Variants in PITPNM3 observed in about 807,000 individuals in gnomAD.
PITPNM3 encodes the protein membrane-associated phosphatidylinositol transfer protein 3.
PITPNM3 carries 26 observed loss-of-function variants against 102.0 expected under a neutral mutation model. The observed-to-expected ratio is 0.25, with a 90% CI of 0.19 to 0.35. The LOEUF (loss-of-function observed/expected upper bound fraction) is 0.35, where lower values mean the gene tolerates loss of function less well. PITPNM3 is among the 10% of genes least tolerant of loss of function. The pLI, the probability that PITPNM3 is intolerant of heterozygous loss-of-function variation, is 1.00. For synonymous variants in PITPNM3, 578 were observed against 558.6 expected, an observed-to-expected ratio of 1.03 and a Z score of -0.49; for missense variants, 1,083 against 1,346.1, an observed-to-expected ratio of 0.80 and a Z score of 3.06.
At chr17:6,553,389 C>T (rs1047933780) in intron 1 of PITPNM3, among the ~76,000 whole-genome samples, 2 of 152,190 alleles carry the variant, frequency 1.3e-5, no homozygotes, top group Non-Finnish European at 2.9e-5. Context: ...GCCCCGATAA[C>T]AATTTCTCTT....
chr17:6,498,716 G>C (rs924934404), intron 4 of PITPNM3, among the ~76,000 whole-genome samples: 1 of 152,168 alleles, frequency 6.6e-6, no homozygotes, highest in Non-Finnish European at 1.5e-5. Flanking sequence ...TTTGATAGTG[G>C]ATGGTGACAG....
Position 6,452,955 on chromosome 17 carries a change from TCTTC to T in PITPNM3, c.*2379_*2382del, listed in dbSNP as rs1913909377. 6.7e-6 allele frequency: 1 copy of T among 150,106 alleles called. No homozygotes were observed. The highest frequency in any genetic ancestry group is 1.5e-5 in the Non-Finnish European group (1 of 67,932). 9.3% of individuals were successfully genotyped at this position (150,106 alleles called of 1,614,324 possible). A position where few individuals can be genotyped will look rare whatever the true frequency, so the allele number is the denominator to read the frequency against. On this transcript the variant is annotated 3_prime_UTR_variant, in exon 20 of 20. Coordinates refer to ENST00000262483, the MANE Select transcript of PITPNM3 (RefSeq NM_031220.4). ...TCCTGGCTCATGAGCTCTCTCTCTC[TCTTC>T]CTCTCTCTCTCTCTCTTCCTCTCTC...
rs1164271141 is a variant in PITPNM3, at chr17:6,469,414, A to C, written c.1773+846T>G. Reference sequence around the variant, plus strand: ...CCCCCAGCCCAGCACACTCTCTCCCACCCCCAAGAACCTACAAACAAAACT... The same window carrying C: ...CCCCCAGCCCAGCACACTCTCTCCCCCCCCCAAGAACCTACAAACAAAACT... On this transcript the variant is annotated intron_variant, in intron 13 of 19. Coordinates refer to ENST00000262483, the MANE Select transcript of PITPNM3 (RefSeq NM_031220.4). The surrounding 1 kb of genome is among the most constrained non-coding windows in gnomAD (Gnocchi z 4.0). 1.7e-4 allele frequency among the ~76,000 whole-genome samples: 20 copies of C among 120,424 alleles called. No individual in the cohort carries two copies. Among genetic ancestry groups the C allele is most frequent in the Admixed American group, 2.6e-4 (3 of 11,654 alleles). 79.0% of individuals were successfully genotyped at this position (120,424 alleles called of 152,430 possible). A position where few individuals can be genotyped will look rare whatever the true frequency, so the allele number is the denominator to read the frequency against.
At position 6,464,701 on chromosome 17, in the gene PITPNM3, C is replaced by T. The variant is rs916678887; in HGVS notation, c.1961G>A (p.Arg654Gln). ...CATGTCGAGGGGCCCGTACATGAAC[C>T]GCCCCACCAGGACCTGGGGGCCATC... ...AEDGPQVLVGRFMYGPLDMVA... is the reference protein window; with the variant it reads ...AEDGPQVLVGQFMYGPLDMVA... Residue 654 changes from arginine (R) to glutamine (Q), a missense_variant, in exon 15 of 20, where the codon CGG becomes CAG. By Grantham distance (43) the Arg-to-Gln change is conservative. Transcript: ENST00000262483. 1.2e-6 allele frequency: 2 copies of T among 1,614,202 alleles called. No individual in the cohort carries two copies. Among genetic ancestry groups the T allele is most frequent in the South Asian group, 1.1e-5 (1 of 91,080 alleles).
intron 1 of PITPNM3, among the ~76,000 whole-genome samples, chr17:6,547,045 C>T (rs1016584411): frequency 1.3e-5 from 2 of 152,094 alleles, no homozygotes; most frequent in South Asian, 2.1e-4. Flanking sequence ...GCATTGCATC[C>T]GGTTGCCTGG....
intron 4 of PITPNM3, among the ~76,000 whole-genome samples, chr17:6,491,168 G>A (rs1296519419): frequency 6.6e-6 from 1 of 150,990 alleles, no homozygotes; most frequent in African/African-American, 2.4e-5. Context: ...GGTACTCTTG[G>A]AACCAGCTCG....
intron 4 of PITPNM3, among the ~76,000 whole-genome samples, chr17:6,494,616 A>G (rs1367225409): frequency 1.3e-5 from 2 of 152,190 alleles, no homozygotes; most frequent in African/African-American, 4.8e-5. Flanking sequence ...AATTACCCTA[A>G]GACAACTTTT....
chr17:6,461,255 A>C, intron 18 of PITPNM3, 118 bp downstream of exon 18: 1 of 1,246,694 alleles, frequency 8.0e-7, no homozygotes, highest in Non-Finnish European at 1.2e-6. Context: ...ATCCACGGGA[A>C]TGGGATTTAC....
intron 3 of PITPNM3, among the ~76,000 whole-genome samples, chr17:6,511,827 T>C (rs182679368): frequency 1.7e-4 from 26 of 152,080 alleles, no homozygotes; most frequent in African/African-American, 6.3e-4. Context: ...ACTAAAAATA[T>C]TTAAAAAATT....
chr17:6,514,506 T>C (rs1908042805), intron 3 of PITPNM3, among the ~76,000 whole-genome samples: 1 of 152,138 alleles, frequency 6.6e-6, no homozygotes, highest in South Asian at 2.1e-4. Flanking sequence ...GAAAAGATGC[T>C]CAACATCATT....
Position 6,457,951 on chromosome 17 carries a change from A to G in PITPNM3, c.2491-229T>C, listed in dbSNP as rs770918952. 3.6e-4 allele frequency among the ~76,000 whole-genome samples: 53 copies of G among 147,280 alleles called. No homozygotes were observed. The highest frequency in any genetic ancestry group is 9.3e-4 in the African/African-American group (37 of 39,768). ...CCCAGTAAACAGTCGTGACCACACC[A>G]TTTACCGGCCCCGCCTCCAACAGCA... On this transcript the variant is annotated intron_variant, in intron 18 of 19. Transcript: ENST00000262483. The surrounding 1 kb of genome is among the most constrained non-coding windows in gnomAD (Gnocchi z 4.7).
chr17:6,543,300 G>A (rs1271621914), intron 1 of PITPNM3, among the ~76,000 whole-genome samples: 1 of 152,128 alleles, frequency 6.6e-6, no homozygotes, highest in African/African-American at 2.4e-5. Flanking sequence ...TGCTCAGATC[G>A]TCAGCTCCTC....
chr17:6,541,286 AGT>A (rs113549938), intron 1 of PITPNM3, among the ~76,000 whole-genome samples: 2,363 of 145,684 alleles, frequency 0.016, 24 homozygotes, highest in African/African-American at 0.027. Flanking sequence ...ATATGCTAAG[AGT>A]GTGTGTGTGT....
At chr17:6,488,336 T>G (rs1224697620) in intron 4 of PITPNM3, among the ~76,000 whole-genome samples, 1 of 152,132 alleles carries the variant, frequency 6.6e-6, no homozygotes, top group African/African-American at 2.4e-5. Flanking sequence ...AACTCCTACT[T>G]GTCCTGCAAA....
intron 3 of PITPNM3, 97 bp downstream of exon 3, chr17:6,525,259 C>G (rs1175402494): frequency 9.0e-7 from 1 of 1,114,394 alleles, no homozygotes. Context: ...AGACTCTTCA[C>G]AGAAGGCCCA....
At chr17:6,542,354 A>G (rs1246399314) in intron 1 of PITPNM3, among the ~76,000 whole-genome samples, 2 of 152,182 alleles carry the variant, frequency 1.3e-5, no homozygotes, top group Non-Finnish European at 2.9e-5. Flanking sequence ...GTGTGTCTAC[A>G]TTCCTTGGGG....
intron 3 of PITPNM3, among the ~76,000 whole-genome samples, chr17:6,521,928 G>A (rs1597400129): frequency 6.6e-6 from 1 of 152,228 alleles, no homozygotes; most frequent in East Asian, 1.9e-4. Context: ...ATCCTTACAG[G>A]AACTTACAAA....
At chr17:6,546,795 A>G (rs1910043771) in intron 1 of PITPNM3, among the ~76,000 whole-genome samples, 1 of 152,190 alleles carries the variant, frequency 6.6e-6, no homozygotes, top group Non-Finnish European at 1.5e-5. Flanking sequence ...ACCTGAAATC[A>G]GGAGTTGCAG....
intron 1 of PITPNM3, among the ~76,000 whole-genome samples, chr17:6,551,086 G>C (rs189904826): frequency 6.6e-6 from 1 of 152,314 alleles, no homozygotes; most frequent in East Asian, 1.9e-4. Context: ...GGCCAGGCAC[G>C]GTGGCTCACA....
Sources: allele counts gnomAD v4.1 joint callset (sites outside exome capture counted in the v4.1 genomes callset), GRCh38; gene constraint gnomAD v4.1.1; non-coding constraint Gnocchi (gnomAD v3.1); transcripts MANE v1.5; gene names NCBI Gene and HGNC (gene_info 2026-07-23, HGNC 2026-07-21).